Variants in CPOX observed in about 807,000 individuals in gnomAD.
The protein encoded by CPOX is oxygen-dependent coproporphyrinogen-III oxidase, mitochondrial.
In CPOX, 24 loss-of-function variants were observed where a neutral mutation model predicts 48.9. The observed-to-expected ratio is 0.49, with a 90% confidence interval of 0.36 to 0.69. The LOEUF (loss-of-function observed/expected upper bound fraction) is 0.69, where lower values mean the gene tolerates loss of function less well. Among genes scored for constraint, CPOX ranks in the 30% least tolerant of loss-of-function variants. The pLI, the probability that CPOX is intolerant of heterozygous loss-of-function variation, is 0.00. For synonymous variants in CPOX, 249 were observed against 234.6 expected, an observed-to-expected ratio of 1.06 and a Z score of -0.56; for missense variants, 549 against 597.3, an observed-to-expected ratio of 0.92 and a Z score of 0.84.
intron 4 of CPOX, among the ~76,000 whole-genome samples, chr3:98,587,732 A>T (rs1707392664): frequency 6.6e-6 from 1 of 151,934 alleles, no homozygotes. Context: ...TGGAGGGAAC[A>T]AATATTCAAA....
downstream of CPOX, among the ~76,000 whole-genome samples, chr3:98,578,524 TAC>T (rs1200903963): frequency 6.6e-6 from 1 of 152,234 alleles, no homozygotes; most frequent in East Asian, 1.9e-4. Flanking sequence ...TAAATGTATA[TAC>T]AGTCTAGTAA....
chr3:98,586,147 C>T (rs112601345), intron 4 of CPOX, among the ~76,000 whole-genome samples: 7,164 of 152,274 alleles, frequency 0.047, 372 homozygotes, highest in African/African-American at 0.13. Context: ...GCTGGGATTA[C>T]AGGCGTGAGC....
downstream of CPOX, among the ~76,000 whole-genome samples, chr3:98,578,710 G>A (rs1323065570): frequency 6.6e-6 from 1 of 152,116 alleles, no homozygotes; most frequent in Non-Finnish European, 1.5e-5. Context: ...TTTTATGTGT[G>A]GCTTTCACTT....
downstream of CPOX, among the ~76,000 whole-genome samples, chr3:98,577,088 A>G (rs139105093): frequency 2.3e-3 from 348 of 152,190 alleles, 3 homozygotes; most frequent in African/African-American, 7.8e-3. Context: ...GAGCGGGCAC[A>G]TAAGACATTC....
chr3:98,593,369 G>C lies in CPOX; in HGVS notation c.136C>G (p.Arg46Gly). The C allele has an allele frequency of 1.5e-6, 2 of 1,341,918 alleles. No individual in the cohort carries two copies. Among genetic ancestry groups the C allele is most frequent in the Non-Finnish European group, 1.9e-6 (2 of 1,058,602 alleles). 83.1% of individuals were successfully genotyped at this position (1,341,918 alleles called of 1,614,324 possible). ...GCCGGGCCAGGGGGCCGGCAGACGC[G>C]TCCGGCTGCGCTGCGCTGGGACCAG... is the stretch of plus-strand genomic sequence containing the variant. ...RAWSQRSAAG[R>G]VCRPPGPAGT... The change falls in exon 1 of 7, where the codon CGC becomes GGC. Residue 46 changes from arginine to glycine, a missense_variant. Physicochemically the swap from Arg to Gly is moderately radical, Grantham distance 125 (BLOSUM62 -2). Coordinates refer to ENST00000647941, the MANE Select transcript of CPOX (RefSeq NM_000097.7).
At chr3:98,579,161 G>A (rs138139154), downstream of CPOX, among the ~76,000 whole-genome samples, 15 of 152,238 alleles carry the variant, frequency 9.9e-5, no homozygotes, top group African/African-American at 3.4e-4. Context: ...TCTTTCTTAC[G>A]ATTTCCTTAA....
intron 6 of CPOX, among the ~76,000 whole-genome samples, 195 bp downstream of exon 6, chr3:98,581,209 AGCT>A (rs1343572996): frequency 6.6e-6 from 1 of 152,068 alleles, no homozygotes; most frequent in Non-Finnish European, 1.5e-5. Context: ...GCCCTCATAG[AGCT>A]GTGGGATTCA....
At chr3:98,574,159 AAACT>A in the CPOX span, among the ~76,000 whole-genome samples, 1 of 152,226 alleles carries the variant, frequency 6.6e-6, no homozygotes, top group African/African-American at 2.4e-5. Flanking sequence ...AAGCACCTCA[AAACT>A]GCTCTTCTCG....
At chr3:98,582,461 T>C (rs147926838) in intron 5 of CPOX, among the ~76,000 whole-genome samples, 242 of 152,240 alleles carry the variant, frequency 1.6e-3, no homozygotes, top group Admixed American at 5.0e-3. Flanking sequence ...TATAGCAAAA[T>C]ATCCTCTAGA....
At chr3:98,572,514 G>A in the CPOX span, among the ~76,000 whole-genome samples, 1 of 151,812 alleles carries the variant, frequency 6.6e-6, no homozygotes, top group Non-Finnish European at 1.5e-5. Context: ...ATTTTTTATT[G>A]ATTGATAGGA....
chr3:98,585,579 G>A lies in CPOX; in HGVS notation c.1034C>T (p.Pro345Leu), dbSNP rs1332853378. The A allele has an allele frequency of 4.3e-6, 7 of 1,614,070 alleles. No individual in the cohort carries two copies. The highest frequency in any genetic ancestry group is 3.3e-5 in the South Asian group (3 of 91,072). ...AAAGCGAAACACCTCCTCCTTGGACGGAGAGTCAAGATCATCAAAAAAGAT... is the reference window on the plus strand; with the variant it reads ...AAAGCGAAACACCTCCTCCTTGGACAGAGAGTCAAGATCATCAAAAAAGAT... Reference protein sequence around the residue: ...GGIFFDDLDSPSKEEVFRFVQ... With the variant: ...GGIFFDDLDSLSKEEVFRFVQ... The change falls in exon 5 of 7, where the codon CCG becomes CTG. Residue 345 changes from proline (P) to leucine (L), a missense_variant. Coordinates refer to ENST00000647941, the MANE Select transcript of CPOX (RefSeq NM_000097.7).
chr3:98,579,443 T>A (rs563018310), downstream of CPOX: 2 of 703,450 alleles, frequency 2.8e-6, no homozygotes, highest in Non-Finnish European at 3.5e-6. Flanking sequence ...ATATAAATAT[T>A]TCTTAGTCTT....
In CPOX at chr3:98,593,257, G is replaced by C; in HGVS notation, c.248C>G (p.Ala83Gly). The C allele has an allele frequency of 6.6e-7, 1 of 1,518,084 alleles. No individual in the cohort carries two copies. The allele number at this position is 1,518,084 out of a possible 1,614,324, so 94.0% of individuals were successfully genotyped here. Residue 83 changes from alanine to glycine, a missense_variant, in exon 1 of 7, where the codon GCG (alanine) becomes GGG (glycine). Ala to Gly is a moderately conservative substitution (Grantham distance 60). Around this residue, in one of 2 missense-constraint regions of CPOX, gnomAD observed 336 missense variants for 318.1 expected, o/e 1.06. Coordinates refer to ENST00000647941, the MANE Select transcript of CPOX (RefSeq NM_000097.7). ...WVGTGLAAALAGLVGLATAAF... is the reference protein window; with the variant it reads ...WVGTGLAAALGGLVGLATAAF... Reference sequence around the variant, plus strand: ...GGCGGTGGCCAGCCCCACCAACCCCGCCAGCGCCGCGGCCAGCCCTGTCCC... The same window carrying C: ...GGCGGTGGCCAGCCCCACCAACCCCCCCAGCGCCGCGGCCAGCCCTGTCCC...
downstream of CPOX, among the ~76,000 whole-genome samples, chr3:98,574,740 G>A (rs1707134770): frequency 6.6e-6 from 1 of 152,084 alleles, no homozygotes; most frequent in African/African-American, 2.4e-5. Context: ...CACCACGCCT[G>A]GCTAATTTTT....
Position 98,585,300 on chromosome 3 carries a change from T to C in CPOX, c.1172+141A>G, listed in dbSNP as rs552299907. 1.6e-4 allele frequency: 124 copies of C among 760,526 alleles called. 3 individuals carry two copies. The highest frequency in any genetic ancestry group is 1.6e-3 in the South Asian group (104 of 65,872). The allele number at this position is 760,526 out of a possible 1,614,324, so 47.1% of individuals were successfully genotyped here. A position where few individuals can be genotyped will look rare whatever the true frequency, so the allele number is the denominator to read the frequency against. On this transcript the variant is annotated intron_variant, in intron 5 of 6. Coordinates refer to ENST00000647941, the MANE Select transcript of CPOX (RefSeq NM_000097.7). ...TATAATATTACTTTACACAATGTCTTTTAATTCACTTAATATTCATCTATG... is the reference window on the plus strand; with the variant it reads ...TATAATATTACTTTACACAATGTCTCTTAATTCACTTAATATTCATCTATG...
chr3:98,583,716 T>C (rs1348061498), intron 5 of CPOX, among the ~76,000 whole-genome samples: 1 of 152,234 alleles, frequency 6.6e-6, no homozygotes, highest in Non-Finnish European at 1.5e-5. Flanking sequence ...GGAATGAGAC[T>C]GACTGCTGAA....
downstream of CPOX, among the ~76,000 whole-genome samples, chr3:98,574,678 T>A (rs1331055317): frequency 2.6e-5 from 4 of 152,066 alleles, no homozygotes; most frequent in African/African-American, 9.7e-5. Flanking sequence ...GCCTCCCAGG[T>A]TCAAGCGATT....
intron 1 of CPOX, among the ~76,000 whole-genome samples, chr3:98,592,217 G>GC (rs1266164614): frequency 6.6e-6 from 1 of 152,106 alleles, no homozygotes; most frequent in Non-Finnish European, 1.5e-5. Flanking sequence ...CTCAAAATCT[G>GC]CCGGTGAGAA....
intron 6 of CPOX, 42 bp from the exon 7 acceptor site, chr3:98,580,812 T>C (rs749429016): frequency 1.2e-6 from 2 of 1,607,136 alleles, no homozygotes; most frequent in Non-Finnish European, 1.7e-6. Flanking sequence ...TCATAAAAAA[T>C]GACACACATA....
Sources: allele counts gnomAD v4.1 joint callset (sites outside exome capture counted in the v4.1 genomes callset), GRCh38; gene constraint gnomAD v4.1.1; regional missense constraint gnomAD v4.1.1; transcripts MANE v1.5; gene names NCBI Gene and HGNC (gene_info 2026-07-23, HGNC 2026-07-21).